The following HOXC11 variants were observed in gnomAD, a reference collection of about 807,000 sequenced individuals.
HOXC11 encodes homeobox protein Hox-C11.
Under a neutral mutation model 23.6 loss-of-function variants are expected in HOXC11, and 17 were observed. The observed-to-expected ratio is 0.72, with a 90% CI of 0.49 to 1.08. The LOEUF (loss-of-function observed/expected upper bound fraction) is 1.08. Among genes scored for constraint, HOXC11 ranks in the 50% least tolerant of loss-of-function variants. The probability of loss-of-function intolerance (pLI) is 0.00; values close to 1 mark genes in which losing one functional copy is unlikely to be tolerated. For missense variants in HOXC11, 413 were observed against 412.1 expected, an observed-to-expected ratio of 1.00 and a Z score of -0.02; for synonymous variants, 196 against 183.8, an observed-to-expected ratio of 1.07 and a Z score of -0.54.
Position 53,973,788 on chromosome 12 carries a change from G to A in HOXC11, c.547G>A (p.Ala183Thr). ...GGGCGAGGCCAAGGGGGAGCCCGAG[G>A]CACCCCCGGCCTCGGGACTGGCGTC... ...GKGEAKGEPE[A>T]PPASGLASRA... Residue 183 changes from alanine to threonine, a missense_variant, in exon 1 of 2, where the codon GCA becomes ACA. Ala to Thr is a moderately conservative substitution (Grantham distance 58). Coordinates refer to ENST00000546378, the MANE Select transcript of HOXC11 (RefSeq NM_014212.4). This position sits in a 1 kb window ranked among gnomAD's most constrained non-coding sequence, Gnocchi z 4.3. 1 of 1,601,576 alleles carries A rather than the reference G, an allele frequency of 6.2e-7. No homozygotes were observed. Among genetic ancestry groups the A allele is most frequent in the Non-Finnish European group, 8.5e-7 (1 of 1,174,580 alleles).
At position 53,973,191 on chromosome 12, in the gene HOXC11, C is replaced by G; in HGVS notation, c.-51C>G. ...CTCGCCTTCCCAAATTTTCCCCCCT[C>G]GCTAGACCGGGTCCAAAACCTCCAT... On this transcript the variant is annotated 5_prime_UTR_variant, in exon 1 of 2. Coordinates refer to ENST00000546378, the MANE Select transcript of HOXC11 (RefSeq NM_014212.4). The surrounding 1 kb of genome is among the most constrained non-coding windows in gnomAD (Gnocchi z 4.3). 6.8e-7 allele frequency: 1 copy of G among 1,468,900 alleles called. No individual in the cohort carries two copies. Among genetic ancestry groups the G allele is most frequent in the Non-Finnish European group, 9.1e-7 (1 of 1,098,008 alleles). The allele number at this position is 1,468,900 out of a possible 1,614,324, so 91.0% of individuals were successfully genotyped here.
Position 53,973,517 on chromosome 12 carries a change from C to A in HOXC11, c.276C>A (p.Cys92Ter), listed in dbSNP as rs1939186345. 4 of 1,613,846 alleles carry A rather than the reference C, an allele frequency of 2.5e-6. No individual in the cohort carries two copies. The highest frequency in any genetic ancestry group is 1.3e-5 in the African/African-American group (1 of 74,932). The change falls in exon 1 of 2, where the codon TGC becomes TGA. Residue 92 changes from cysteine (C) to a stop codon, truncating the protein, a stop_gained. Transcript: ENST00000546378. LOFTEE classifies it high-confidence loss of function. The surrounding 1 kb of genome is among the most constrained non-coding windows in gnomAD (Gnocchi z 4.3). ...KWHHRNSYSS[C>*]YAAADELMHR... Reference sequence around the variant, plus strand: ...ACCATCGGAACAGCTACTCCTCCTGCTATGCGGCGGCCGACGAGCTTATGC... The same window carrying A: ...ACCATCGGAACAGCTACTCCTCCTGATATGCGGCGGCCGACGAGCTTATGC...
Position 53,975,167 on chromosome 12 carries a change from T to A in HOXC11, c.683-14T>A. Reference sequence around the variant, plus strand: ...CCCCCCTCTCCTCGCACTTGCCCCCTCCCCTCCCTCCAGACGCCCCCCGCA... The same window carrying A: ...CCCCCCTCTCCTCGCACTTGCCCCCACCCCTCCCTCCAGACGCCCCCCGCA... On this transcript the variant is annotated splice_polypyrimidine_tract_variant and intron_variant, in intron 1 of 1. Coordinates refer to ENST00000546378, the MANE Select transcript of HOXC11 (RefSeq NM_014212.4). 88 of 789,510 alleles carry A rather than the reference T, an allele frequency of 1.1e-4. No individual in the cohort carries two copies. The highest frequency in any genetic ancestry group is 1.5e-4 in the Non-Finnish European group (80 of 531,094). 48.9% of individuals were successfully genotyped at this position (789,510 alleles called of 1,614,324 possible).
chr12:53,974,917 T>A, intron 1 of HOXC11: 1 of 475,784 alleles, frequency 2.1e-6, no homozygotes, highest in Non-Finnish European at 3.7e-6. Context: ...TTTCCTTCTG[T>A]CCCAGACCCT....
In HOXC11 at chr12:53,973,733, C is replaced by T. The variant is rs780763205; in HGVS notation, c.492C>T (p.Asp164=). The T allele has an allele frequency of 2.9e-5, 46 of 1,612,644 alleles. No individual in the cohort carries two copies. In the Middle Eastern group the frequency reaches 4.9e-4, roughly 17 times the overall value. The change falls in exon 1 of 2, where the codon GAC becomes GAT. Residue 164 remains aspartate (D), a synonymous_variant. Coordinates refer to ENST00000546378, the MANE Select transcript of HOXC11 (RefSeq NM_014212.4). The surrounding 1 kb of genome is among the most constrained non-coding windows in gnomAD (Gnocchi z 4.3). ...FFDNAYCGGG[D]PPAEPPCSGK... is the part of the protein sequence containing the mutation. ...ACAACGCCTACTGCGGTGGCGGCGA[C>T]CCGCCCGCCGAGCCCCCCTGCTCCG...
Position 53,975,597 on chromosome 12 carries a change from C to T in HOXC11, c.*184C>T, listed in dbSNP as rs766853632. The T allele has an allele frequency of 7.6e-5, 50 of 657,726 alleles. No individual in the cohort carries two copies. The highest frequency in any genetic ancestry group is 1.6e-5 in the Non-Finnish European group (6 of 369,686). The allele number at this position is 657,726 out of a possible 1,614,324, so 40.7% of individuals were successfully genotyped here. A position where few individuals can be genotyped will look rare whatever the true frequency, so the allele number is the denominator to read the frequency against. On this transcript the variant is annotated 3_prime_UTR_variant, in exon 2 of 2. Transcript: ENST00000546378. ...TCCTGGACCCTCTATCTGACTCTCG[C>T]TGTGGGACAGGGACCGGGCCTGGAA...
Position 53,975,518 on chromosome 12 carries a change from G to C in HOXC11, c.*105G>C. On this transcript the variant is annotated 3_prime_UTR_variant, in exon 2 of 2. Coordinates refer to ENST00000546378, the MANE Select transcript of HOXC11 (RefSeq NM_014212.4). Reference sequence around the variant, plus strand: ...TCTTCTTTCCGCCGGTGGAAAACTGGACTGTGGCCAGGGCTGGCCCCCACC... The same window carrying C: ...TCTTCTTTCCGCCGGTGGAAAACTGCACTGTGGCCAGGGCTGGCCCCCACC... 1.1e-6 allele frequency: 1 copy of C among 878,238 alleles called. No individual in the cohort carries two copies. Among genetic ancestry groups the C allele is most frequent in the Non-Finnish European group, 1.8e-6 (1 of 544,882 alleles). 54.4% of individuals were successfully genotyped at this position (878,238 alleles called of 1,614,324 possible).
chr12:53,973,131 C>A lies in HOXC11; in HGVS notation c.-111C>A. ...CAATATCTACTTTGGATCACGTGCT[C>A]AGAGAGAGAGAGACTAAGACGGATA... On this transcript the variant is annotated 5_prime_UTR_variant, in exon 1 of 2. Coordinates refer to ENST00000546378, the MANE Select transcript of HOXC11 (RefSeq NM_014212.4). The surrounding 1 kb of genome is among the most constrained non-coding windows in gnomAD (Gnocchi z 4.3). 1.3e-6 allele frequency: 1 copy of A among 787,850 alleles called. No individual in the cohort carries two copies. Among genetic ancestry groups the A allele is most frequent in the Non-Finnish European group, 2.0e-6 (1 of 503,880 alleles). The allele number at this position is 787,850 out of a possible 1,614,324, so 48.8% of individuals were successfully genotyped here.
In HOXC11 at chr12:53,975,872, C is replaced by T; in HGVS notation, c.*459C>T. ...AACTTCTCGAGCTCCCCCCTCTACCCCGCCCCACCTTGCAGCTAAATGTGA... is the reference window on the plus strand; with the variant it reads ...AACTTCTCGAGCTCCCCCCTCTACCTCGCCCCACCTTGCAGCTAAATGTGA... On this transcript the variant is annotated 3_prime_UTR_variant, in exon 2 of 2. Coordinates refer to ENST00000546378, the MANE Select transcript of HOXC11 (RefSeq NM_014212.4). 5.0e-6 allele frequency: 2 copies of T among 397,972 alleles called. No homozygotes were observed. Among genetic ancestry groups the T allele is most frequent in the South Asian group, 1.5e-4 (2 of 13,156 alleles). The allele number at this position is 397,972 out of a possible 1,614,324, so 24.7% of individuals were successfully genotyped here.
At position 53,973,743 on chromosome 12, in the gene HOXC11, G is replaced by A. The variant is rs748712240; in HGVS notation, c.502G>A (p.Glu168Lys). 1.7e-5 allele frequency: 28 copies of A among 1,612,654 alleles called. No individual in the cohort carries two copies. Among genetic ancestry groups the A allele is most frequent in the Admixed American group, 1.0e-4 (6 of 59,968 alleles). ...CTGCGGTGGCGGCGACCCGCCCGCC[G>A]AGCCCCCCTGCTCCGGCAAGGGCGA... ...AYCGGGDPPA[E>K]PPCSGKGEAK... Residue 168 changes from glutamate (E) to lysine (K), a missense_variant, in exon 1 of 2, where the codon GAG (glutamate) becomes AAG (lysine). Coordinates refer to ENST00000546378, the MANE Select transcript of HOXC11 (RefSeq NM_014212.4). This position sits in a 1 kb window ranked among gnomAD's most constrained non-coding sequence, Gnocchi z 4.3.
rs200941742 is a variant in HOXC11 at position 53,973,728 on chromosome 12, G to C, written c.487G>C (p.Gly163Arg). ...RFFDNAYCGGGDPPAEPPCSG... is the reference protein window; with the variant it reads ...RFFDNAYCGGRDPPAEPPCSG... ...CTTCGACAACGCCTACTGCGGTGGC[G>C]GCGACCCGCCCGCCGAGCCCCCCTG... The change falls in exon 1 of 2, where the codon GGC (glycine) becomes CGC (arginine). Residue 163 changes from glycine to arginine, a missense_variant. Transcript: ENST00000546378. The surrounding 1 kb of genome is among the most constrained non-coding windows in gnomAD (Gnocchi z 4.3). 42 of 1,612,274 alleles carry C rather than the reference G, an allele frequency of 2.6e-5. No homozygotes were observed. Among genetic ancestry groups the C allele is most frequent in the African/African-American group, 4.0e-5 (3 of 74,936 alleles).
In HOXC11 at chr12:53,973,621, C is replaced by A; in HGVS notation, c.380C>A (p.Pro127His). 2 of 1,613,828 alleles carry A rather than the reference C, an allele frequency of 1.2e-6. No homozygotes were observed. The highest frequency in any genetic ancestry group is 1.7e-6 in the Non-Finnish European group (2 of 1,180,030). The change falls in exon 1 of 2, where the codon CCC becomes CAC. Residue 127 changes from proline (P) to histidine (H), a missense_variant. Coordinates refer to ENST00000546378, the MANE Select transcript of HOXC11 (RefSeq NM_014212.4). The surrounding 1 kb of genome is among the most constrained non-coding windows in gnomAD (Gnocchi z 4.3). Reference sequence around the variant, plus strand: ...GGCTCCTACGGCGGCCACCACCACCCCAGCGCCCCGCACGCAACCCCCGCC... The same window carrying A: ...GGCTCCTACGGCGGCCACCACCACCACAGCGCCCCGCACGCAACCCCCGCC... ...NEGSYGGHHHPSAPHATPAGF... is the reference protein window; with the variant it reads ...NEGSYGGHHHHSAPHATPAGF...
At position 53,975,224 on chromosome 12, in the gene HOXC11, C is replaced by G. The variant is rs201625483; in HGVS notation, c.726C>G (p.Phe242Leu). 1.7e-4 allele frequency: 282 copies of G among 1,611,760 alleles called. No individual in the cohort carries two copies. The highest frequency in any genetic ancestry group is 2.0e-4 in the Middle Eastern group (1 of 5,020). The stretch of plus-strand genomic sequence containing the variant: ...AGAAGCGCTGCCCTTATTCGAAATT[C>G]CAGATCCGGGAACTGGAGCGAGAGT... ...TRKKRCPYSK[F>L]QIRELEREFF... The change falls in exon 2 of 2, where the codon TTC (phenylalanine) becomes TTG (leucine). Residue 242 changes from phenylalanine (F) to leucine (L), a missense_variant. By Grantham distance (22) the Phe-to-Leu change is conservative (BLOSUM62 0). Transcript: ENST00000546378.
rs3816154 is a variant in HOXC11 at position 53,976,683 on chromosome 12, C to T, written c.*1270C>T. The stretch of plus-strand genomic sequence containing the variant: ...AAGCTCTCCTTTCTCACGTGCAGCT[C>T]GAGCTGTGTCCAAACGCCCAGCAAC... On this transcript the variant is annotated 3_prime_UTR_variant, in exon 2 of 2. Transcript: ENST00000546378. 4.9e-4 allele frequency: 75 copies of T among 153,790 alleles called. No homozygotes were observed. In the East Asian group the frequency reaches 0.011, roughly 22 times the overall value. The allele number at this position is 153,790 out of a possible 1,614,324, so 9.5% of individuals were successfully genotyped here.
In HOXC11 at chr12:53,974,253, C is replaced by A. The variant is rs1037626875; in HGVS notation, c.682+330C>A. Among the ~76,000 whole-genome samples the A allele has an allele frequency of 1.4e-5, 2 of 146,332 alleles. 1 individual carries two copies. The highest frequency in any genetic ancestry group is 1.4e-4 in the Admixed American group (2 of 14,778). On this transcript the variant is annotated intron_variant, in intron 1 of 1. Transcript: ENST00000546378. ...CATTGCGGGCGATATTAACTTTGAT[C>A]GTGAACTTAGAGGAGCATTTAAGGA... is the stretch of plus-strand genomic sequence containing the variant.
At position 53,975,504 on chromosome 12, in the gene HOXC11, C is replaced by A. The variant is rs1273547401; in HGVS notation, c.*91C>A. The A allele has an allele frequency of 2.5e-5, 24 of 967,586 alleles. No homozygotes were observed. The highest frequency in any genetic ancestry group is 3.5e-5 in the Non-Finnish European group (22 of 624,886). 59.9% of individuals were successfully genotyped at this position (967,586 alleles called of 1,614,324 possible). A position where few individuals can be genotyped will look rare whatever the true frequency, so the allele number is the denominator to read the frequency against. On this transcript the variant is annotated 3_prime_UTR_variant, in exon 2 of 2. Transcript: ENST00000546378. The stretch of plus-strand genomic sequence containing the variant: ...TATTTTCTAACTCGTCTTCTTTCCG[C>A]CGGTGGAAAACTGGACTGTGGCCAG...
chr12:53,973,262 G>T lies in HOXC11; in HGVS notation c.21G>T (p.Leu7=). The T allele has an allele frequency of 6.2e-7, 1 of 1,609,276 alleles. No individual in the cohort carries two copies. The change falls in exon 1 of 2, where the codon CTG becomes CTT. Residue 7 remains leucine, a synonymous_variant. Transcript: ENST00000546378. The surrounding 1 kb of genome is among the most constrained non-coding windows in gnomAD (Gnocchi z 4.3). MFNSVN[L]GNFCSPSRKE... ...GAACGATGTTTAACTCGGTCAACCT[G>T]GGCAACTTCTGCTCTCCGTCGCGCA...
Position 53,973,405 on chromosome 12 carries a change from C to T in HOXC11, c.164C>T (p.Pro55Leu), listed in dbSNP as rs367629889. ...STVSSFLPQA[P>L]SRQISYPYSA... is the part of the protein sequence containing the mutation. ...GTCTCCTCCTTCCTGCCCCAGGCCCCCTCTCGTCAGATCTCCTATCCCTAC... is the reference window on the plus strand; with the variant it reads ...GTCTCCTCCTTCCTGCCCCAGGCCCTCTCTCGTCAGATCTCCTATCCCTAC... Residue 55 changes from proline to leucine, a missense_variant, in exon 1 of 2, where the codon CCC becomes CTC. Transcript: ENST00000546378. The surrounding 1 kb of genome is among the most constrained non-coding windows in gnomAD (Gnocchi z 4.3). 3.4e-5 allele frequency: 55 copies of T among 1,614,110 alleles called. No homozygotes were observed. Among genetic ancestry groups the T allele is most frequent in the Non-Finnish European group, 4.7e-5 (55 of 1,180,058 alleles).
chr12:53,975,208 G>A lies in HOXC11; in HGVS notation c.710G>A (p.Cys237Tyr). ...GCCCCCCGCACCCGCAAGAAGCGCT[G>A]CCCTTATTCGAAATTCCAGATCCGG... is the stretch of plus-strand genomic sequence containing the variant. ...PNAPRTRKKR[C>Y]PYSKFQIREL... The change falls in exon 2 of 2, where the codon TGC (cysteine) becomes TAC (tyrosine). Residue 237 changes from cysteine (C) to tyrosine (Y), a missense_variant. Cys to Tyr is a radical substitution (Grantham distance 194). Coordinates refer to ENST00000546378, the MANE Select transcript of HOXC11 (RefSeq NM_014212.4). 1 of 1,610,014 alleles carries A rather than the reference G, an allele frequency of 6.2e-7. No homozygotes were observed. The highest frequency in any genetic ancestry group is 1.3e-5 in the African/African-American group (1 of 74,554).
Sources: allele counts gnomAD v4.1 joint callset (sites outside exome capture counted in the v4.1 genomes callset), GRCh38; gene constraint gnomAD v4.1.1; non-coding constraint Gnocchi (gnomAD v3.1); transcripts MANE v1.5; gene names NCBI Gene and HGNC (gene_info 2026-07-23, HGNC 2026-07-21).